Variants in ARPP19 observed in about 807,000 individuals in gnomAD.
The protein encoded by ARPP19 is cAMP regulated phosphoprotein 19.
A neutral mutation model predicts 12.0 loss-of-function variants in ARPP19; 8 were observed. The ratio of observed to expected loss-of-function variants is 0.67; its 90% CI spans 0.39 to 1.21. ARPP19 has a LOEUF of 1.21. Ranked by LOEUF, ARPP19 falls within the 50% of genes most tolerant of loss-of-function variation. The probability of loss-of-function intolerance (pLI) is 0.01; values close to 1 mark genes in which losing one functional copy is unlikely to be tolerated. For missense variants in ARPP19, 102 were observed against 136.3 expected (o/e 0.75, Z 1.25); for synonymous variants, 47 against 50.4 (o/e 0.93, Z 0.29).
rs1197839498 is a variant in ARPP19, at chr15:52,568,910, C to T, written c.-18G>A. ...GCAGACATAGTGCTCCCTCTGCAGA[C>T]GAGACGCCGGGAAAAGATGCAATTA... On this transcript the variant is annotated 5_prime_UTR_variant, in exon 1 of 3. Transcript: ENST00000249822. 1 of 1,564,360 alleles carries T rather than the reference C, an allele frequency of 6.4e-7. No individual in the cohort carries two copies.
chr15:52,563,942 T>C (rs2078058345), intron 1 of ARPP19, among the ~76,000 whole-genome samples: 2 of 152,230 alleles, frequency 1.3e-5, no homozygotes, highest in African/African-American at 4.8e-5. Flanking sequence ...TAAAAGTTCA[T>C]TCATCTGAAT....
At chr15:52,553,556 A>ATAG (rs2077955070) in intron 2 of ARPP19, among the ~76,000 whole-genome samples, 2 of 152,226 alleles carry the variant, frequency 1.3e-5, no homozygotes, top group African/African-American at 2.4e-5. Flanking sequence ...AGATGGGACA[A>ATAG]TAGTCAAGTA....
chr15:52,561,512 T>C lies in ARPP19; in HGVS notation c.46-4290A>G, dbSNP rs2035288552. 2.0e-5 allele frequency among the ~76,000 whole-genome samples: 3 copies of C among 152,320 alleles called. No homozygotes were observed. The South Asian group carries it at 6.2e-4, about 32-fold the overall frequency. On this transcript the variant is annotated intron_variant, in intron 1 of 2. Transcript: ENST00000249822. ...CCATATTTTTAGTTTAAGTGTTCTATGGTCCTGTATAATTTAGAAAAGGGT... is the reference window on the plus strand; with the variant it reads ...CCATATTTTTAGTTTAAGTGTTCTACGGTCCTGTATAATTTAGAAAAGGGT...
intron 1 of ARPP19, among the ~76,000 whole-genome samples, chr15:52,562,314 C>A (rs2140246791): frequency 6.6e-6 from 1 of 152,122 alleles, no homozygotes; most frequent in East Asian, 1.9e-4. Flanking sequence ...TAACTATTTT[C>A]TTCCAGACCA....
intron 1 of ARPP19, among the ~76,000 whole-genome samples, chr15:52,562,085 G>C (rs1337798097): frequency 6.6e-6 from 1 of 151,974 alleles, no homozygotes; most frequent in African/African-American, 2.4e-5. Flanking sequence ...TAATAAAATG[G>C]CATGAAAATA....
chr15:52,556,516 T>C (rs2899490), intron 2 of ARPP19, among the ~76,000 whole-genome samples: 15,866 of 152,232 alleles, frequency 0.1, 898 homozygotes, highest in Middle Eastern at 0.17. Context: ...TGAAAATGTT[T>C]AAATTGTATT....
At chr15:52,557,520 T>G in intron 1 of ARPP19, 1 of 242,342 alleles carries the variant, frequency 4.1e-6, no homozygotes, top group South Asian at 6.9e-5. Flanking sequence ...GTATAATACA[T>G]TTATAGTTAG....
At chr15:52,558,626 G>C (rs1447080657) in intron 1 of ARPP19, among the ~76,000 whole-genome samples, 1 of 151,892 alleles carries the variant, frequency 6.6e-6, no homozygotes, top group Non-Finnish European at 1.5e-5. Context: ...GAGCCTTCCA[G>C]GTTACTTAGG....
At chr15:52,566,592 TTTTTATTTTA>T (rs545002234) in intron 1 of ARPP19, among the ~76,000 whole-genome samples, 3 of 151,964 alleles carry the variant, frequency 2.0e-5, no homozygotes, top group Non-Finnish European at 2.9e-5. Flanking sequence ...ACCTGGCTAA[TTTTTATTTTA>T]TTTTATTTTA....
Position 52,551,749 on chromosome 15 carries a change from A to C in ARPP19, c.*185T>G. On this transcript the variant is annotated 3_prime_UTR_variant, in exon 3 of 3. Transcript: ENST00000249822. Reference sequence around the variant, plus strand: ...GTTGCTCTAACATGTCCTCTTCACCAGTGCACTGTTAAACTAATCAAAAAC... The same window carrying C: ...GTTGCTCTAACATGTCCTCTTCACCCGTGCACTGTTAAACTAATCAAAAAC... The C allele has an allele frequency of 3.6e-5, 20 of 551,314 alleles. No homozygotes were observed. Among genetic ancestry groups the C allele is most frequent in the East Asian group, 6.1e-5 (2 of 32,638 alleles). The allele number at this position is 551,314 out of a possible 1,614,324, so 34.2% of individuals were successfully genotyped here.
intron 1 of ARPP19, among the ~76,000 whole-genome samples, chr15:52,558,755 A>G (rs1014614644): frequency 1.3e-5 from 2 of 151,022 alleles, no homozygotes; most frequent in African/African-American, 4.9e-5. Context: ...ATTTTGGCAT[A>G]TATTTCACTC....
At chr15:52,555,383 TTTAA>T (rs1243472124) in intron 2 of ARPP19, among the ~76,000 whole-genome samples, 9 of 151,218 alleles carry the variant, frequency 6.0e-5, no homozygotes, top group Non-Finnish European at 8.9e-5. Context: ...ATCAAAATAA[TTTAA>T]TAGCCAAAGA....
chr15:52,568,979 C>G lies in ARPP19; in HGVS notation c.-87G>C. The G allele has an allele frequency of 1.0e-6, 1 of 993,276 alleles. No homozygotes were observed. Among genetic ancestry groups the G allele is most frequent in the Non-Finnish European group, 1.5e-6 (1 of 682,094 alleles). 61.5% of individuals were successfully genotyped at this position (993,276 alleles called of 1,614,324 possible). A position where few individuals can be genotyped will look rare whatever the true frequency, so the allele number is the denominator to read the frequency against. On this transcript the variant is annotated 5_prime_UTR_variant, in exon 1 of 3. Coordinates refer to ENST00000249822, the MANE Select transcript of ARPP19 (RefSeq NM_006628.6). The stretch of plus-strand genomic sequence containing the variant: ...CCGGCCGCCGCCCGTCCCAGCTCTC[C>G]CAGGGCCCGCCGGGCCGCCTCCGCC...
At chr15:52,565,192 G>T (rs1595868254) in intron 1 of ARPP19, among the ~76,000 whole-genome samples, 1 of 151,874 alleles carries the variant, frequency 6.6e-6, no homozygotes, top group East Asian at 1.9e-4. Context: ...GACTACAGGT[G>T]TAGATTTATT....
At chr15:52,557,316 A>T in intron 1 of ARPP19, 94 bp from the exon 2 acceptor site, 1 of 1,004,414 alleles carries the variant, frequency 1.0e-6, no homozygotes, top group South Asian at 1.6e-5. Context: ...TCTAGTTGTT[A>T]AATGCCAAGT....
At chr15:52,565,098 C>A (rs1362270948) in intron 1 of ARPP19, among the ~76,000 whole-genome samples, 2 of 150,688 alleles carry the variant, frequency 1.3e-5, no homozygotes, top group Non-Finnish European at 2.9e-5. Flanking sequence ...GCCATCAAAG[C>A]TCACTGTGGT....
Position 52,548,918 on chromosome 15 carries a change from G to A in ARPP19, c.*3016C>T, listed in dbSNP as rs2141714335. On this transcript the variant is annotated 3_prime_UTR_variant, in exon 3 of 3. Coordinates refer to ENST00000249822, the MANE Select transcript of ARPP19 (RefSeq NM_006628.6). ...GTAGTAACAAGTAAAGGCTTCACCA[G>A]GCTTTCCTTGATGAATAGTTAAGAC... 1 of 152,746 alleles carries A rather than the reference G, an allele frequency of 6.5e-6. No individual in the cohort carries two copies. The highest frequency in any genetic ancestry group is 2.1e-4 in the South Asian group (1 of 4,830). 9.5% of individuals were successfully genotyped at this position (152,746 alleles called of 1,614,324 possible).
Position 52,568,897 on chromosome 15 carries a change from C to T in ARPP19, c.-5G>A, listed in dbSNP as rs758526930. The stretch of plus-strand genomic sequence containing the variant: ...CTCGGGGACTTCCGCAGACATAGTG[C>T]TCCCTCTGCAGACGAGACGCCGGGA... On this transcript the variant is annotated 5_prime_UTR_variant, in exon 1 of 3. Transcript: ENST00000249822. 4 of 1,573,226 alleles carry T rather than the reference C, an allele frequency of 2.5e-6. No individual in the cohort carries two copies. The highest frequency in any genetic ancestry group is 1.4e-5 in the African/African-American group (1 of 70,490).
intron 1 of ARPP19, among the ~76,000 whole-genome samples, chr15:52,567,748 C>A (rs1195115561): frequency 6.6e-6 from 1 of 152,016 alleles, no homozygotes; most frequent in Non-Finnish European, 1.5e-5. Context: ...ACAGAAGCAC[C>A]CAACTTAAGA....
Sources: allele counts gnomAD v4.1 joint callset (sites outside exome capture counted in the v4.1 genomes callset), GRCh38; gene constraint gnomAD v4.1.1; transcripts MANE v1.5; gene names NCBI Gene and HGNC (gene_info 2026-07-23, HGNC 2026-07-21).